LRFN2: variants seen among roughly 807,000 people sequenced by gnomAD.
LRFN2 encodes the protein leucine-rich repeat and fibronectin type-III domain-containing protein 2.
Under a neutral mutation model 37.3 loss-of-function variants are expected in LRFN2, and 18 were observed. The ratio of observed to expected loss-of-function variants is 0.48; its 90% CI spans 0.33 to 0.72. LRFN2 has a LOEUF of 0.72. Ranked by LOEUF, LRFN2 falls within the 30% of genes least tolerant of loss-of-function variation. The pLI, the probability that LRFN2 is intolerant of heterozygous loss-of-function variation, is 0.02. For synonymous variants in LRFN2, 556 were observed against 466.6 expected (o/e 1.19, Z -2.47); for missense variants, 1,006 against 1,060.7 (o/e 0.95, Z 0.72).
chr6:40,436,493 G>A, intron 1 of LRFN2, among the ~76,000 whole-genome samples: 2 of 148,796 alleles, frequency 1.3e-5, no homozygotes, highest in Non-Finnish European at 3.0e-5. Flanking sequence ...TAGGATATGT[G>A]TTTTTTTTTT....
chr6:40,519,867 T>A (rs1581772550), intron 1 of LRFN2, among the ~76,000 whole-genome samples: 1 of 152,300 alleles, frequency 6.6e-6, no homozygotes, highest in Middle Eastern at 3.4e-3. Flanking sequence ...AGATTTATCA[T>A]TCATTCAATA....
chr6:40,460,624 G>A (rs952147942), intron 1 of LRFN2, among the ~76,000 whole-genome samples: 1 of 152,180 alleles, frequency 6.6e-6, no homozygotes, highest in South Asian at 2.1e-4. Flanking sequence ...TGTAGCAAGA[G>A]CATTACCATA....
intron 1 of LRFN2, among the ~76,000 whole-genome samples, chr6:40,465,670 C>G (rs948035590): frequency 6.6e-6 from 1 of 152,166 alleles, no homozygotes; most frequent in Admixed American, 6.5e-5. Flanking sequence ...AGATCTGATA[C>G]CTGACAGCTT....
At chr6:40,505,635 G>A (rs1046243523) in intron 1 of LRFN2, among the ~76,000 whole-genome samples, 1 of 152,226 alleles carries the variant, frequency 6.6e-6, no homozygotes, top group African/African-American at 2.4e-5. Context: ...CCCTCATCGT[G>A]GGGTGGAGGC....
rs538803428 is a variant in LRFN2, at chr6:40,564,707, T to C, written c.-19+22234A>G. The stretch of plus-strand genomic sequence containing the variant: ...TAGAGTGATCTTTTCAAAATGTAAA[T>C]CTGGGTTCCTTTCCCTTAAATTATA... On this transcript the variant is annotated intron_variant, in intron 1 of 2. Coordinates refer to ENST00000338305, the MANE Select transcript of LRFN2 (RefSeq NM_020737.3). Among the ~76,000 whole-genome samples, 4 of 152,284 alleles carry C rather than the reference T, an allele frequency of 2.6e-5. No homozygotes were observed. In the East Asian group the frequency reaches 5.8e-4, roughly 22 times the overall value.
intron 1 of LRFN2, among the ~76,000 whole-genome samples, chr6:40,574,540 T>C (rs976779468): frequency 1.3e-5 from 2 of 152,196 alleles, no homozygotes; most frequent in Non-Finnish European, 2.9e-5. Flanking sequence ...CGGGGAGTGC[T>C]GGATGATTCT....
intron 1 of LRFN2, among the ~76,000 whole-genome samples, chr6:40,493,057 G>A (rs1765130115): frequency 6.6e-6 from 1 of 152,064 alleles, no homozygotes; most frequent in Admixed American, 6.6e-5. Context: ...TCAGGAAGAG[G>A]GGAGCAAGGA....
At chr6:40,417,607 G>T (rs940562299) in intron 2 of LRFN2, among the ~76,000 whole-genome samples, 1 of 152,202 alleles carries the variant, frequency 6.6e-6, no homozygotes, top group Non-Finnish European at 1.5e-5. Flanking sequence ...AGCTGGGTCA[G>T]TGATGGCGTG....
At chr6:40,502,883 G>C (rs547752818) in intron 1 of LRFN2, among the ~76,000 whole-genome samples, 3 of 152,348 alleles carry the variant, frequency 2.0e-5, no homozygotes, top group Admixed American at 1.3e-4. Flanking sequence ...CCCAGGAAGA[G>C]CTCTGAAGCT....
At chr6:40,524,885 A>G (rs1233705441) in intron 1 of LRFN2, among the ~76,000 whole-genome samples, 2 of 152,136 alleles carry the variant, frequency 1.3e-5, no homozygotes, top group Non-Finnish European at 2.9e-5. Context: ...GAAGCTCCAT[A>G]CCCTGCTCCT....
chr6:40,407,261 G>T (rs1272018432), intron 2 of LRFN2, among the ~76,000 whole-genome samples: 1 of 152,172 alleles, frequency 6.6e-6, no homozygotes, highest in Admixed American at 6.5e-5. Context: ...GTATTTAATT[G>T]TCCTTAGCTT....
chr6:40,579,893 G>T (rs1315780446), intron 1 of LRFN2, among the ~76,000 whole-genome samples: 1 of 152,168 alleles, frequency 6.6e-6, no homozygotes, highest in Non-Finnish European at 1.5e-5. Flanking sequence ...GAGGAAGACT[G>T]CTAGCCATCA....
At chr6:40,466,170 A>C (rs1171348096) in intron 1 of LRFN2, among the ~76,000 whole-genome samples, 1 of 152,186 alleles carries the variant, frequency 6.6e-6, no homozygotes, top group East Asian at 1.9e-4. Context: ...AATAAATAGG[A>C]TGACCTTTGC....
intron 1 of LRFN2, among the ~76,000 whole-genome samples, chr6:40,461,602 C>G (rs992468280): frequency 6.7e-6 from 1 of 148,700 alleles, no homozygotes; most frequent in African/African-American, 2.5e-5. Flanking sequence ...AAAAAAAAAC[C>G]CTCCCTTCAA....
At chr6:40,449,488 A>T (rs1410976871) in intron 1 of LRFN2, among the ~76,000 whole-genome samples, 1 of 152,210 alleles carries the variant, frequency 6.6e-6, no homozygotes, top group Non-Finnish European at 1.5e-5. Context: ...TCCTTAGAGA[A>T]AGGTCATGCC....
intron 1 of LRFN2, among the ~76,000 whole-genome samples, chr6:40,564,445 A>G (rs1767053071): frequency 6.6e-6 from 1 of 152,160 alleles, no homozygotes; most frequent in Admixed American, 6.5e-5. Context: ...CAAGGCAGAC[A>G]CCCAAAGTTC....
chr6:40,409,100 T>C (rs567610559), intron 2 of LRFN2, among the ~76,000 whole-genome samples: 2 of 152,344 alleles, frequency 1.3e-5, no homozygotes, highest in South Asian at 2.1e-4. Context: ...TTTTAACCTA[T>C]GAATCTCAAA....
At chr6:40,543,498 T>A (rs1159151254) in intron 1 of LRFN2, among the ~76,000 whole-genome samples, 2 of 152,120 alleles carry the variant, frequency 1.3e-5, no homozygotes, top group Non-Finnish European at 2.9e-5. Context: ...TGCTGTCCTC[T>A]CTCCTCTCCT....
chr6:40,473,735 GC>G (rs1315586726), intron 1 of LRFN2, among the ~76,000 whole-genome samples: 1 of 151,502 alleles, frequency 6.6e-6, no homozygotes, highest in Non-Finnish European at 1.5e-5. Context: ...CCCTCCCCTT[GC>G]CCCACAACCC....
Sources: allele counts gnomAD v4.1 joint callset (sites outside exome capture counted in the v4.1 genomes callset), GRCh38; gene constraint gnomAD v4.1.1; transcripts MANE v1.5; gene names NCBI Gene and HGNC (gene_info 2026-07-23, HGNC 2026-07-21).